Variants in EML5 observed in about 807,000 individuals in gnomAD.
EML5 encodes the protein EMAP like 5, also known as echinoderm microtubule-associated protein-like 5.
EML5 carries 120 observed loss-of-function variants against 250.0 expected under a neutral mutation model. The ratio of observed to expected loss-of-function variants is 0.48; its 90% CI spans 0.41 to 0.56. The LOEUF (loss-of-function observed/expected upper bound fraction) is 0.56, where lower values mean the gene tolerates loss of function less well. EML5 is among the 20% of genes least tolerant of loss of function. The pLI is 0.00. For synonymous variants in EML5, 771 were observed against 806.5 expected (o/e 0.96, Z 0.75); for missense variants, 2,006 against 2,437.6 (o/e 0.82, Z 3.73).
chr14:88,739,382 G>A (rs1475565579), intron 5 of EML5, among the ~76,000 whole-genome samples: 1 of 152,118 alleles, frequency 6.6e-6, no homozygotes, highest in Non-Finnish European at 1.5e-5. Flanking sequence ...TTGAGTATGT[G>A]TAGATTTTGG....
chr14:88,687,806 C>T (rs2092868763), intron 18 of EML5, among the ~76,000 whole-genome samples: 1 of 151,954 alleles, frequency 6.6e-6, no homozygotes, highest in Non-Finnish European at 1.5e-5. Flanking sequence ...TGGCTGGCAC[C>T]ATGGCTCATG....
chr14:88,647,548 T>C (rs1567058637), intron 28 of EML5, among the ~76,000 whole-genome samples: 1 of 151,274 alleles, frequency 6.6e-6, no homozygotes, highest in Non-Finnish European at 1.5e-5. Context: ...AACACAACAA[T>C]TAGCCAGGCC....
At chr14:88,761,736 G>A (rs1044274899) in intron 1 of EML5, among the ~76,000 whole-genome samples, 4 of 152,114 alleles carry the variant, frequency 2.6e-5, no homozygotes, top group African/African-American at 7.2e-5. Context: ...TGGGTCAAAC[G>A]GTATTTCTGG....
chr14:88,767,410 T>C (rs559683027), intron 1 of EML5, among the ~76,000 whole-genome samples: 1 of 152,342 alleles, frequency 6.6e-6, no homozygotes, highest in South Asian at 2.1e-4. Context: ...TTCCCCATAA[T>C]TTCCAGCTCC....
rs1164114048 is a variant in EML5 at position 88,624,706 on chromosome 14, A to G, written c.4898+264T>C. 3 of 400,142 alleles carry G rather than the reference A, an allele frequency of 7.5e-6. No individual in the cohort carries two copies. In the Admixed American group the frequency reaches 1.3e-4, roughly 17 times the overall value. 24.8% of individuals were successfully genotyped at this position (400,142 alleles called of 1,614,324 possible). ...AATCATACACAGGCATACAGACATTAAGAAAAGTAACTCAACTTGTAGGAC... is the reference window on the plus strand; with the variant it reads ...AATCATACACAGGCATACAGACATTGAGAAAAGTAACTCAACTTGTAGGAC... On this transcript the variant is annotated intron_variant, in intron 36 of 43. Transcript: ENST00000554922.
intron 15 of EML5, 107 bp downstream of exon 15, chr14:88,696,740 G>T: frequency 4.7e-6 from 3 of 643,772 alleles, no homozygotes; most frequent in South Asian, 3.1e-5. Context: ...TAAAAACTGT[G>T]AATGTCACAG....
chr14:88,777,483 C>A (rs929557407), intron 1 of EML5, among the ~76,000 whole-genome samples: 3 of 152,078 alleles, frequency 2.0e-5, no homozygotes, highest in Non-Finnish European at 4.4e-5. Flanking sequence ...TAAGTAATCC[C>A]AAGTGGGTTT....
intron 1 of EML5, among the ~76,000 whole-genome samples, chr14:88,759,540 C>T (rs975969189): frequency 6.6e-6 from 1 of 151,686 alleles, no homozygotes; most frequent in African/African-American, 2.4e-5. Flanking sequence ...AACAACTAGC[C>T]AGGTGTGATG....
rs2093409930 is a variant in EML5, at chr14:88,711,664, A to G, written c.1657+607T>C. Among the ~76,000 whole-genome samples the G allele has an allele frequency of 2.0e-5, 3 of 152,112 alleles. No homozygotes were observed. In the South Asian group the frequency reaches 6.2e-4, roughly 32 times the overall value. Reference sequence around the variant, plus strand: ...TTGGCTGGGGACACAAAGCTAAACCATATCAGACCCTGCTCATGCCTGTAA... The same window carrying G: ...TTGGCTGGGGACACAAAGCTAAACCGTATCAGACCCTGCTCATGCCTGTAA... On this transcript the variant is annotated intron_variant, in intron 10 of 43. Coordinates refer to ENST00000554922, the MANE Select transcript of EML5 (RefSeq NM_183387.3).
intron 1 of EML5, among the ~76,000 whole-genome samples, chr14:88,766,666 C>T (rs2094324482): frequency 6.6e-6 from 1 of 152,098 alleles, no homozygotes. Context: ...TATTTTATTA[C>T]CTTGTGAAGT....
At chr14:88,788,937 CTGTGGTCTCAGCCACT>C (rs2094578348) in intron 1 of EML5, among the ~76,000 whole-genome samples, 1 of 150,942 alleles carries the variant, frequency 6.6e-6, no homozygotes, top group Non-Finnish European at 1.5e-5. Context: ...TGGCCCACAT[CTGTGGTCTCAGCCACT>C]TGGGGAGGCT....
At chr14:88,684,986 A>T in intron 20 of EML5, 29 bp downstream of exon 20, 1 of 1,582,244 alleles carries the variant, frequency 6.3e-7, no homozygotes, top group East Asian at 2.3e-5. Context: ...TATGTAAAGA[A>T]AAAAAAACAA....
intron 17 of EML5, 140 bp downstream of exon 17, chr14:88,694,167 C>G: frequency 4.8e-6 from 3 of 625,656 alleles, no homozygotes; most frequent in Non-Finnish European, 8.4e-6. Context: ...AGACTTCATT[C>G]AGATTTCATC....
intron 1 of EML5, among the ~76,000 whole-genome samples, chr14:88,791,966 C>A (rs901603420): frequency 6.6e-6 from 1 of 152,198 alleles, no homozygotes; most frequent in Admixed American, 6.5e-5. Context: ...TAAGAAATTT[C>A]TCACAGGATC....
At chr14:88,667,407 T>C (rs1443973778) in intron 21 of EML5, among the ~76,000 whole-genome samples, 1 of 152,218 alleles carries the variant, frequency 6.6e-6, no homozygotes. Flanking sequence ...AGCGTAGGTC[T>C]TCTCTCTTTA....
intron 35 of EML5, 126 bp from the exon 36 acceptor site, chr14:88,625,253 G>T: frequency 9.0e-7 from 1 of 1,108,008 alleles, no homozygotes; most frequent in African/African-American, 1.6e-5. Flanking sequence ...TCGTGTAGTG[G>T]CAGCAGCACT....
In EML5 at chr14:88,695,364, G is replaced by C. The variant is rs773523848; in HGVS notation, c.2435C>G (p.Ala812Gly). 1 of 1,606,092 alleles carries C rather than the reference G, an allele frequency of 6.2e-7. No homozygotes were observed. The highest frequency in any genetic ancestry group is 2.2e-5 in the East Asian group (1 of 44,630). ...DWKKGEKLSI[A>G]RGSKDKIFVV... ...TGATATCAAGTTTTTTTCCTACCTTGCTATTGAAAGTTTCTCTCCTTTCTT... is the reference window on the plus strand; with the variant it reads ...TGATATCAAGTTTTTTTCCTACCTTCCTATTGAAAGTTTCTCTCCTTTCTT... The change falls in exon 16 of 44, where the codon GCA becomes GGA. Residue 812 changes from alanine (A) to glycine (G), a missense_variant. By Grantham distance (60) the Ala-to-Gly change is moderately conservative. Transcript: ENST00000554922.
At chr14:88,718,708 A>T (rs1177913474) in intron 8 of EML5, among the ~76,000 whole-genome samples, 1 of 152,206 alleles carries the variant, frequency 6.6e-6, no homozygotes, top group Non-Finnish European at 1.5e-5. Context: ...AAAGTTAGAC[A>T]GTTTTATGAG....
In EML5 at chr14:88,705,952, G is replaced by C. The variant is rs1285401896; in HGVS notation, c.1825+307C>G. 1.7e-5 allele frequency: 9 copies of C among 531,822 alleles called. No homozygotes were observed. The East Asian group carries it at 3.3e-4, about 19-fold the overall frequency. 32.9% of individuals were successfully genotyped at this position (531,822 alleles called of 1,614,324 possible). A position where few individuals can be genotyped will look rare whatever the true frequency, so the allele number is the denominator to read the frequency against. ...CATTAGATAATTTTTGTCAATAAAA[G>C]CATTTACAAAATCTAGATACCCATC... On this transcript the variant is annotated intron_variant, in intron 11 of 43. Coordinates refer to ENST00000554922, the MANE Select transcript of EML5 (RefSeq NM_183387.3).
Sources: gnomAD v4.1 joint callset for allele counts (sites outside exome capture counted in the v4.1 genomes callset) on GRCh38, gnomAD v4.1.1 for gene constraint, MANE v1.5 for transcripts, NCBI Gene and HGNC (gene_info 2026-07-23, HGNC 2026-07-21) for gene names.